TF: variants seen among roughly 807,000 people sequenced by gnomAD.
TF encodes the protein transferrin.
A neutral mutation model predicts 82.4 loss-of-function variants in TF; 55 were observed. The observed-to-expected ratio is 0.67, with a 90% CI of 0.54 to 0.84. The LOEUF (loss-of-function observed/expected upper bound fraction) is 0.84, where lower values mean the gene tolerates loss of function less well. Ranked by LOEUF, TF falls within the 40% of genes least tolerant of loss-of-function variation. TF has a pLI of 0.00. For synonymous variants in TF, 332 were observed against 332.6 expected, an observed-to-expected ratio of 1.00 and a Z score of 0.02; for missense variants, 737 against 868.4, an observed-to-expected ratio of 0.85 and a Z score of 1.90.
At chr3:133,767,939 AT>A in intron 12 of TF, 89 bp from the exon 13 acceptor site, 1 of 1,504,048 alleles carries the variant, frequency 6.6e-7, no homozygotes, top group South Asian at 1.1e-5. Context: ...TGTTCTACTT[AT>A]TATGGGCCAT....
intron 3 of TF, chr3:133,753,904 T>C: frequency 1.5e-6 from 1 of 646,606 alleles, no homozygotes; most frequent in Admixed American, 2.3e-5. Flanking sequence ...GGACTGGTGC[T>C]CCTAAAACTG....
At chr3:133,737,658 A>C in the TF span, among the ~76,000 whole-genome samples, 1 of 152,224 alleles carries the variant, frequency 6.6e-6, no homozygotes, top group Non-Finnish European at 1.5e-5. Flanking sequence ...AGAAATACAA[A>C]CAACCATCAG....
the TF span, among the ~76,000 whole-genome samples, chr3:133,718,073 A>G: frequency 6.6e-6 from 1 of 151,970 alleles, no homozygotes; most frequent in South Asian, 2.1e-4. Flanking sequence ...GCAAGGGTCC[A>G]GGAGAGTGGT....
the TF span, among the ~76,000 whole-genome samples, chr3:133,693,960 T>C: frequency 2.0e-5 from 3 of 152,182 alleles, no homozygotes; most frequent in African/African-American, 7.2e-5. Flanking sequence ...AACATTCCTG[T>C]GGGTTCCATC....
chr3:133,732,956 C>T, the TF span, among the ~76,000 whole-genome samples: 1 of 152,186 alleles, frequency 6.6e-6, no homozygotes, highest in African/African-American at 2.4e-5. Flanking sequence ...TTAGTGGTGT[C>T]TTCAGTCAGG....
At chr3:133,752,055 G>GT (rs1289141931) in intron 2 of TF, among the ~76,000 whole-genome samples, 1 of 151,068 alleles carries the variant, frequency 6.6e-6, no homozygotes, top group Non-Finnish European at 1.5e-5. Flanking sequence ...TTACTTGATT[G>GT]TAACACAACA....
rs1446670238 is a variant in TF at position 133,790,495 on chromosome 3, C to A, written c.*11875C>A. ...CTTATGAAACAATGTAGTAAGGAAC[C>A]AGTAAGTAGAGGAGAACGATATGGA... On this transcript the variant is annotated 3_prime_UTR_variant, in exon 17 of 17. Transcript: ENST00000402696. 1 of 151,950 alleles carries A rather than the reference C, an allele frequency of 6.6e-6. No individual in the cohort carries two copies. The highest frequency in any genetic ancestry group is 1.5e-5 in the Non-Finnish European group (1 of 67,978). 9.4% of individuals were successfully genotyped at this position (151,950 alleles called of 1,614,324 possible). A position where few individuals can be genotyped will look rare whatever the true frequency, so the allele number is the denominator to read the frequency against.
chr3:133,757,395 G>A (rs192875839), intron 7 of TF, among the ~76,000 whole-genome samples: 62 of 152,300 alleles, frequency 4.1e-4, no homozygotes, highest in Admixed American at 2.5e-3. Context: ...CCTGCACAGC[G>A]GCTTTACTTC....
chr3:133,771,743 C>CAAGAAAA (rs1934263903), intron 14 of TF, among the ~76,000 whole-genome samples: 1 of 56,564 alleles, frequency 1.8e-5, no homozygotes, highest in African/African-American at 1.0e-4. Flanking sequence ...GACTCCGTCT[C>CAAGAAAA]AAAAAAAAAA....
chr3:133,724,283 G>C, the TF span, among the ~76,000 whole-genome samples: 1 of 152,186 alleles, frequency 6.6e-6, no homozygotes. Flanking sequence ...CAGTGTAAAA[G>C]TGTTCCTATT....
rs190428270 is a variant in TF at position 133,768,490 on chromosome 3, T to C, written c.1622+326T>C. ...GTTGGGGTGGGGGAGGAAGTGCTACTAGCATCTAACACGTAGAAGCCACTA... is the reference window on the plus strand; with the variant it reads ...GTTGGGGTGGGGGAGGAAGTGCTACCAGCATCTAACACGTAGAAGCCACTA... On this transcript the variant is annotated intron_variant, in intron 13 of 16. Coordinates refer to ENST00000402696, the MANE Select transcript of TF (RefSeq NM_001063.4). Among the ~76,000 whole-genome samples the C allele has an allele frequency of 1.5e-3, 221 of 152,322 alleles. 1 individual carries two copies. The highest frequency in any genetic ancestry group is 5.0e-3 in the African/African-American group (209 of 41,566).
At position 133,782,259 on chromosome 3, in the gene TF, G is replaced by C. The variant is rs1392305786; in HGVS notation, c.*3639G>C. The C allele has an allele frequency of 2.0e-5, 3 of 152,144 alleles. No homozygotes were observed. The highest frequency in any genetic ancestry group is 4.4e-5 in the Non-Finnish European group (3 of 68,040). 9.4% of individuals were successfully genotyped at this position (152,144 alleles called of 1,614,324 possible). A position where few individuals can be genotyped will look rare whatever the true frequency, so the allele number is the denominator to read the frequency against. On this transcript the variant is annotated 3_prime_UTR_variant, in exon 17 of 17. Coordinates refer to ENST00000402696, the MANE Select transcript of TF (RefSeq NM_001063.4). ...GGTTTCTAAATAAACTGAAAATAGG[G>C]CTACATATGACCCAACAATCCCTCT...
the TF span, among the ~76,000 whole-genome samples, chr3:133,734,642 G>A: frequency 6.6e-6 from 1 of 152,184 alleles, no homozygotes; most frequent in Non-Finnish European, 1.5e-5. Flanking sequence ...AAGCATAGAA[G>A]AAGTGATATC....
the TF span, among the ~76,000 whole-genome samples, chr3:133,729,765 G>A: frequency 6.6e-6 from 1 of 152,152 alleles, no homozygotes; most frequent in East Asian, 1.9e-4. Flanking sequence ...CACGCTGGGA[G>A]CTGTAGACTG....
the TF span, among the ~76,000 whole-genome samples, chr3:133,737,036 G>A: frequency 1.1e-4 from 16 of 151,976 alleles, no homozygotes; most frequent in Non-Finnish European, 1.6e-4. Flanking sequence ...GCACCACATC[G>A]CACTTATTCT....
the TF span, among the ~76,000 whole-genome samples, chr3:133,666,880 C>A: frequency 2.0e-5 from 3 of 151,792 alleles, no homozygotes; most frequent in Admixed American, 1.3e-4. Context: ...ACTAAAAATA[C>A]AAAAAATTAG....
chr3:133,735,685 C>G, the TF span, among the ~76,000 whole-genome samples: 1 of 151,934 alleles, frequency 6.6e-6, no homozygotes, highest in African/African-American at 2.4e-5. Context: ...CCGAATTGAT[C>G]AGGCAGAAGA....
chr3:133,727,751 C>G, the TF span, among the ~76,000 whole-genome samples: 1 of 128,236 alleles, frequency 7.8e-6, no homozygotes, highest in Non-Finnish European at 1.6e-5. Context: ...TTCCTAGTCT[C>G]GATGGTCTTT....
chr3:133,740,915 T>G, the TF span, among the ~76,000 whole-genome samples: 6 of 149,752 alleles, frequency 4.0e-5, no homozygotes, highest in African/African-American at 1.2e-4. Flanking sequence ...TTCATGTTTT[T>G]TTTTTTTTTT....
Sources: allele counts gnomAD v4.1 joint callset (sites outside exome capture counted in the v4.1 genomes callset), GRCh38; gene constraint gnomAD v4.1.1; transcripts MANE v1.5; gene names NCBI Gene and HGNC (gene_info 2026-07-23, HGNC 2026-07-21).